CNTLN: variants seen among roughly 807,000 people sequenced by gnomAD.
CNTLN encodes the protein centlein, centrosomal protein.
A neutral mutation model predicts 180.0 loss-of-function variants in CNTLN; 212 were observed. The ratio of observed to expected loss-of-function variants is 1.18; its 90% CI spans 1.05 to 1.32. The LOEUF is 1.32. Ranked by LOEUF, CNTLN falls within the 40% of genes most tolerant of loss-of-function variation. CNTLN has a pLI of 0.00. For missense variants in CNTLN, 2,095 were observed against 1,610.9 expected, an observed-to-expected ratio of 1.30 and a Z score of -5.14; for synonymous variants, 722 against 563.1, an observed-to-expected ratio of 1.28 and a Z score of -3.99.
At chr9:17,347,841 A>G (rs1041955669) in intron 12 of CNTLN, among the ~76,000 whole-genome samples, 1 of 151,930 alleles carries the variant, frequency 6.6e-6, no homozygotes, top group Non-Finnish European at 1.5e-5. Context: ...TTATTTATAT[A>G]TATTTTTTGA....
At chr9:17,332,104 G>A (rs1226529007) in intron 9 of CNTLN, among the ~76,000 whole-genome samples, 2 of 151,980 alleles carry the variant, frequency 1.3e-5, no homozygotes, top group Non-Finnish European at 2.9e-5. Context: ...CCACATTATA[G>A]TTAATGACCA....
rs149364775 is a variant in CNTLN at position 17,342,104 on chromosome 9, C to T, written c.1767-221C>T. On this transcript the variant is annotated intron_variant, in intron 11 of 25. Coordinates refer to ENST00000380647, the MANE Select transcript of CNTLN (RefSeq NM_017738.4). Reference sequence around the variant, plus strand: ...TAGACCTTAGAATATCATGTGTCTGCTTAAAAGTTTGCTTTCCACAGTAGC... The same window carrying T: ...TAGACCTTAGAATATCATGTGTCTGTTTAAAAGTTTGCTTTCCACAGTAGC... Among the ~76,000 whole-genome samples, 344 of 152,150 alleles carry T rather than the reference C, an allele frequency of 2.3e-3. 4 individuals are homozygous for T. The highest frequency in any genetic ancestry group is 3.2e-3 in the Non-Finnish European group (218 of 68,014).
chr9:17,162,449 C>T (rs1327391717), intron 2 of CNTLN, among the ~76,000 whole-genome samples: 1 of 152,148 alleles, frequency 6.6e-6, no homozygotes, highest in African/African-American at 2.4e-5. Flanking sequence ...CTAGTAACAA[C>T]CAATTCACAG....
intron 25 of CNTLN, among the ~76,000 whole-genome samples, chr9:17,501,038 C>T (rs538381600): frequency 6.6e-6 from 1 of 152,296 alleles, no homozygotes; most frequent in East Asian, 1.9e-4. Flanking sequence ...ATGCTTTTCC[C>T]ACTTCTTCAC....
At chr9:17,312,553 A>ATTTTTTTTTTTT (rs56915301) in intron 8 of CNTLN, among the ~76,000 whole-genome samples, 5 of 100,424 alleles carry the variant, frequency 5.0e-5, no homozygotes, top group African/African-American at 1.1e-4. Context: ...AGCCCGGCTA[A>ATTTTTTTTTTTT]TTTTTTTTTT....
intron 12 of CNTLN, among the ~76,000 whole-genome samples, chr9:17,347,112 T>C (rs1263360661): frequency 5.3e-5 from 8 of 152,216 alleles, no homozygotes; most frequent in Non-Finnish European, 8.8e-5. Flanking sequence ...CTATTTAATT[T>C]ATTTTAAGAG....
the CNTLN span, among the ~76,000 whole-genome samples, chr9:17,528,487 C>A: frequency 6.6e-6 from 1 of 152,208 alleles, no homozygotes; most frequent in Non-Finnish European, 1.5e-5. Context: ...TCAAAAACGT[C>A]TGAGAAACTG....
intron 3 of CNTLN, among the ~76,000 whole-genome samples, chr9:17,228,200 C>A (rs191343267): frequency 2.0e-5 from 3 of 152,222 alleles, no homozygotes; most frequent in Admixed American, 2.0e-4. Context: ...CCATAGCACA[C>A]CCTTAGAAAA....
chr9:17,255,914 T>G (rs749279965), intron 5 of CNTLN, among the ~76,000 whole-genome samples: 8 of 151,948 alleles, frequency 5.3e-5, no homozygotes, highest in Non-Finnish European at 5.9e-5. Flanking sequence ...ATACTTCCTT[T>G]GGATTATCCA....
At chr9:17,395,552 CAAGCTGTTTAACAT>C (rs975419743) in intron 15 of CNTLN, among the ~76,000 whole-genome samples, 25 of 152,272 alleles carry the variant, frequency 1.6e-4, no homozygotes, top group African/African-American at 5.8e-4. Flanking sequence ...CAGATGTCTA[CAAGCTGTTTAACAT>C]CCTTTAAATT....
At chr9:17,279,005 T>C (rs911483283) in intron 6 of CNTLN, among the ~76,000 whole-genome samples, 1 of 152,140 alleles carries the variant, frequency 6.6e-6, no homozygotes, top group African/African-American at 2.4e-5. Flanking sequence ...TATTACATCT[T>C]AGATAATTAT....
At chr9:17,504,546 A>G (rs1299633558), downstream of CNTLN, among the ~76,000 whole-genome samples, 2 of 152,198 alleles carry the variant, frequency 1.3e-5, no homozygotes, top group Non-Finnish European at 2.9e-5. Context: ...TGTCAAAAGG[A>G]AATTTGCAAA....
At chr9:17,363,896 A>T (rs956961707) in intron 12 of CNTLN, among the ~76,000 whole-genome samples, 11 of 152,116 alleles carry the variant, frequency 7.2e-5, no homozygotes, top group South Asian at 6.2e-4. Context: ...TTCATCTAGG[A>T]TCTATGAGTA....
In CNTLN at chr9:17,394,580, G is replaced by C; in HGVS notation, c.2126G>C (p.Arg709Thr). ...CTGAAATCTTTTGAGAAAAGGTCGAGAAAATTAAAAGAAGGGAATAAAAAA... is the reference window on the plus strand; with the variant it reads ...CTGAAATCTTTTGAGAAAAGGTCGACAAAATTAAAAGAAGGGAATAAAAAA... ...NRLKSFEKRS[R>T]KLKEGNKKLM... Residue 709 changes from arginine (R) to threonine (T), a missense_variant, in exon 15 of 26, where the codon AGA (arginine) becomes ACA (threonine). Transcript: ENST00000380647. 3.8e-6 allele frequency: 6 copies of C among 1,592,084 alleles called. No homozygotes were observed. Among genetic ancestry groups the C allele is most frequent in the Non-Finnish European group, 3.4e-6 (4 of 1,174,122 alleles).
At chr9:17,493,780 G>A (rs1158969556) in intron 25 of CNTLN, among the ~76,000 whole-genome samples, 1 of 152,192 alleles carries the variant, frequency 6.6e-6, no homozygotes, top group Non-Finnish European at 1.5e-5. Flanking sequence ...CTGCCTTGTG[G>A]AATAATAGGA....
chr9:17,520,957 C>T, the CNTLN span, among the ~76,000 whole-genome samples: 6 of 152,224 alleles, frequency 3.9e-5, no homozygotes, highest in African/African-American at 7.2e-5. Context: ...GGTTCTGAAA[C>T]GTAATTCAGG....
chr9:17,390,352 C>T lies in CNTLN; in HGVS notation c.2079+2099C>T, dbSNP rs141602123. On this transcript the variant is annotated intron_variant, in intron 14 of 25. Coordinates refer to ENST00000380647, the MANE Select transcript of CNTLN (RefSeq NM_017738.4). ...CTCCCAGGTTCAAGCGATTCTCGTG[C>T]CTCAGTCTCCCAAGTAACTGGGACT... 3.7e-3 allele frequency among the ~76,000 whole-genome samples: 553 copies of T among 147,930 alleles called. 1 individual carries two copies. Among genetic ancestry groups the T allele is most frequent in the African/African-American group, 0.012 (491 of 40,192 alleles).
intron 5 of CNTLN, among the ~76,000 whole-genome samples, chr9:17,265,071 C>G (rs1351499951): frequency 2.7e-5 from 4 of 147,108 alleles, no homozygotes; most frequent in Admixed American, 6.8e-5. Flanking sequence ...GAACTTCCAA[C>G]ACTATGTTGA....
chr9:17,256,632 T>A (rs1042181580), intron 5 of CNTLN, among the ~76,000 whole-genome samples: 1 of 151,864 alleles, frequency 6.6e-6, no homozygotes, highest in African/African-American at 2.4e-5. Flanking sequence ...CAACTCATTC[T>A]GTAAGGCAGA....
Sources: allele counts gnomAD v4.1 joint callset (sites outside exome capture counted in the v4.1 genomes callset), GRCh38; gene constraint gnomAD v4.1.1; transcripts MANE v1.5; gene names NCBI Gene and HGNC (gene_info 2026-07-23, HGNC 2026-07-21).